SIPA1L2: variants seen among roughly 807,000 people sequenced by gnomAD.
SIPA1L2 encodes the protein signal induced proliferation associated 1 like 2.
In SIPA1L2, 56 loss-of-function variants were observed where a neutral mutation model predicts 163.9. That is an observed-to-expected ratio of 0.34 (90% confidence interval 0.28 to 0.43). SIPA1L2 has a LOEUF of 0.43. Ranked by LOEUF, SIPA1L2 falls within the 20% of genes least tolerant of loss-of-function variation. SIPA1L2 has a pLI of 1.00. For missense variants in SIPA1L2, 1,974 were observed against 2,193.5 expected (o/e 0.90, Z 2.00); for synonymous variants, 877 against 865.7 (o/e 1.01, Z -0.23).
chr1:232,524,773 A>G (rs1442293159), intron 2 of SIPA1L2, among the ~76,000 whole-genome samples: 2 of 152,184 alleles, frequency 1.3e-5, no homozygotes, highest in African/African-American at 4.8e-5. Context: ...GAAACAAAGT[A>G]TGTTAAAAAT....
intron 15 of SIPA1L2, among the ~76,000 whole-genome samples, chr1:232,436,773 C>A (rs1662588884): frequency 6.6e-6 from 1 of 152,208 alleles, no homozygotes; most frequent in African/African-American, 2.4e-5. Context: ...ATCCCTCCTC[C>A]TCGCCTCCTG....
chr1:232,551,636 G>A (rs1456918442), intron 2 of SIPA1L2, among the ~76,000 whole-genome samples: 2 of 152,226 alleles, frequency 1.3e-5, no homozygotes, highest in Non-Finnish European at 2.9e-5. Flanking sequence ...AGCCTCCGCA[G>A]ACAGAGCGCT....
At chr1:232,606,211 C>T (rs556544003) in intron 1 of SIPA1L2, among the ~76,000 whole-genome samples, 2 of 152,138 alleles carry the variant, frequency 1.3e-5, no homozygotes, top group Non-Finnish European at 2.9e-5. Context: ...CACAAAGAGA[C>T]AATTAGCCTT....
chr1:232,617,153 A>G (rs1156446662), intron 1 of SIPA1L2, among the ~76,000 whole-genome samples: 1 of 152,282 alleles, frequency 6.6e-6, no homozygotes, highest in Non-Finnish European at 1.5e-5. Flanking sequence ...TTTTCTAAGT[A>G]TCAGATACAA....
At chr1:232,596,852 T>G (rs1201009754) in intron 1 of SIPA1L2, among the ~76,000 whole-genome samples, 2 of 152,184 alleles carry the variant, frequency 1.3e-5, no homozygotes, top group African/African-American at 4.8e-5. Flanking sequence ...GTGCAGGGAC[T>G]TATCTGATTA....
intron 1 of SIPA1L2, among the ~76,000 whole-genome samples, chr1:232,608,047 CAAAAA>C (rs56208215): frequency 5.9e-5 from 4 of 67,496 alleles, no homozygotes; most frequent in Admixed American, 1.7e-4. Flanking sequence ...AACTCCATCT[CAAAAA>C]AAAAAAAAAA....
chr1:232,433,696 G>A (rs1429545019), intron 15 of SIPA1L2, among the ~76,000 whole-genome samples: 1 of 152,154 alleles, frequency 6.6e-6, no homozygotes, highest in Non-Finnish European at 1.5e-5. Context: ...AAATTAGAAA[G>A]ATCAACAATA....
In SIPA1L2 at chr1:232,399,288, A is replaced by C. The variant is rs941039025; in HGVS notation, c.5023-15T>G. 1 of 1,611,664 alleles carries C rather than the reference A, an allele frequency of 6.2e-7. No individual in the cohort carries two copies. Among genetic ancestry groups the C allele is most frequent in the Non-Finnish European group, 8.5e-7 (1 of 1,179,532 alleles). On this transcript the variant is annotated splice_polypyrimidine_tract_variant and intron_variant, in intron 22 of 22. Coordinates refer to ENST00000674635, the MANE Select transcript of SIPA1L2 (RefSeq NM_020808.5). ...TCTTGTTTTTCCTGGTCAGAGCAGA[A>C]ATAAACTGAGTCATGGAGACTGATC...
chr1:232,481,590 G>A (rs1463902171), intron 6 of SIPA1L2, among the ~76,000 whole-genome samples: 2 of 152,156 alleles, frequency 1.3e-5, no homozygotes, highest in Admixed American at 6.5e-5. Flanking sequence ...CAAGGTAATG[G>A]AGAATGTAGA....
At chr1:232,579,386 G>T (rs2102799068) in intron 1 of SIPA1L2, among the ~76,000 whole-genome samples, 1 of 152,252 alleles carries the variant, frequency 6.6e-6, no homozygotes, top group South Asian at 2.1e-4. Flanking sequence ...AAACACTCCG[G>T]TCTAGACTCT....
At chr1:232,489,897 T>C (rs1349601908) in intron 5 of SIPA1L2, among the ~76,000 whole-genome samples, 1 of 152,218 alleles carries the variant, frequency 6.6e-6, no homozygotes, top group Non-Finnish European at 1.5e-5. Context: ...CTTTTTTCCA[T>C]ATTCTGAACC....
intron 1 of SIPA1L2, among the ~76,000 whole-genome samples, chr1:232,624,889 A>C (rs2102895605): frequency 6.6e-6 from 1 of 152,352 alleles, no homozygotes; most frequent in South Asian, 2.1e-4. Context: ...ATACCAAACC[A>C]AAAAATAAGC....
At chr1:232,620,706 T>C (rs766282552) in intron 1 of SIPA1L2, among the ~76,000 whole-genome samples, 2 of 152,194 alleles carry the variant, frequency 1.3e-5, no homozygotes, top group Non-Finnish European at 2.9e-5. Context: ...TCAGAGCTAT[T>C]CTGACTGGCA....
chr1:232,503,410 T>A (rs946496741), intron 3 of SIPA1L2, among the ~76,000 whole-genome samples: 4 of 152,188 alleles, frequency 2.6e-5, no homozygotes, highest in African/African-American at 9.7e-5. Flanking sequence ...TACGGTGATA[T>A]CTTAGAAGAG....
At chr1:232,503,221 C>G (rs1378214218) in intron 3 of SIPA1L2, among the ~76,000 whole-genome samples, 2 of 151,668 alleles carry the variant, frequency 1.3e-5, no homozygotes, top group Admixed American at 1.3e-4. Context: ...TACAACAGGG[C>G]AAGATAAAAA....
At position 232,514,303 on chromosome 1, in the gene SIPA1L2, G is replaced by A; in HGVS notation, c.1037C>T (p.Ala346Val). The A allele has an allele frequency of 6.2e-7, 1 of 1,613,622 alleles. No homozygotes were observed. Among genetic ancestry groups the A allele is most frequent in the East Asian group, 2.2e-5 (1 of 44,886 alleles). ...SILFNINEAM[A>V]TRANVGKRKN... The stretch of plus-strand genomic sequence containing the variant: ...CCTTTTCCCCACATTAGCCCTCGTA[G>A]CCATGGCTTCGTTGATATTAAACAA... The change falls in exon 3 of 23, where the codon GCT becomes GTT. Residue 346 changes from alanine to valine, a missense_variant. Coordinates refer to ENST00000674635, the MANE Select transcript of SIPA1L2 (RefSeq NM_020808.5).
At chr1:232,614,324 C>T (rs763360480) in intron 1 of SIPA1L2, among the ~76,000 whole-genome samples, 2 of 152,144 alleles carry the variant, frequency 1.3e-5, no homozygotes, top group Non-Finnish European at 2.9e-5. Flanking sequence ...AGGATTTCAT[C>T]AGGCACCATA....
intron 2 of SIPA1L2, among the ~76,000 whole-genome samples, chr1:232,558,595 A>G (rs1465676919): frequency 6.6e-6 from 1 of 152,222 alleles, no homozygotes; most frequent in Non-Finnish European, 1.5e-5. Flanking sequence ...GGTTAAAGCA[A>G]CCAAGTCTGA....
intron 2 of SIPA1L2, among the ~76,000 whole-genome samples, chr1:232,528,611 T>C (rs1667831746): frequency 6.6e-6 from 1 of 152,198 alleles, no homozygotes; most frequent in Non-Finnish European, 1.5e-5. Flanking sequence ...AGAGTAGAAT[T>C]GGACAGGCCT....
Sources: allele counts gnomAD v4.1 joint callset (sites outside exome capture counted in the v4.1 genomes callset), GRCh38; gene constraint gnomAD v4.1.1; transcripts MANE v1.5; gene names NCBI Gene and HGNC (gene_info 2026-07-23, HGNC 2026-07-21).